The following SND1 variants were observed in gnomAD, a reference collection of about 807,000 sequenced individuals.
SND1 encodes the protein staphylococcal nuclease domain-containing protein 1.
Under a neutral mutation model 121.7 loss-of-function variants are expected in SND1, and 38 were observed. That is an observed-to-expected ratio of 0.31 (90% CI 0.24 to 0.41). SND1 has a LOEUF of 0.41. Among genes scored for constraint, SND1 ranks in the 10% least tolerant of loss-of-function variants. The pLI is 1.00. For synonymous variants in SND1, 401 were observed against 447.4 expected (o/e 0.90, Z 1.31); for missense variants, 868 against 1,184.6 (o/e 0.73, Z 3.92).
intron 1 of SND1, among the ~76,000 whole-genome samples, chr7:127,680,071 G>A (rs778897869): frequency 8.5e-5 from 13 of 152,174 alleles, no homozygotes; most frequent in Non-Finnish European, 1.3e-4. Flanking sequence ...CTGGGCATCC[G>A]GGGGAGACGT....
chr7:127,712,390 C>T (rs1230913143), intron 9 of SND1, among the ~76,000 whole-genome samples: 2 of 152,288 alleles, frequency 1.3e-5, no homozygotes, highest in Middle Eastern at 3.4e-3. Flanking sequence ...AACTCCTGGG[C>T]TCAAGTGATC....
chr7:127,669,522 A>G (rs938598260), intron 1 of SND1, among the ~76,000 whole-genome samples: 2 of 152,148 alleles, frequency 1.3e-5, no homozygotes, highest in African/African-American at 4.8e-5. Context: ...CACTACCTAT[A>G]TCCTCCAAAG....
At chr7:127,795,900 C>G (rs149437461) in intron 10 of SND1, among the ~76,000 whole-genome samples, 1 of 151,964 alleles carries the variant, frequency 6.6e-6, no homozygotes, top group African/African-American at 2.4e-5. Context: ...CTCTGTCACC[C>G]AGGCTGGAGT....
At chr7:127,992,999 A>C (rs956904181) in intron 16 of SND1, among the ~76,000 whole-genome samples, 1 of 152,202 alleles carries the variant, frequency 6.6e-6, no homozygotes. Flanking sequence ...TTTCTTGATT[A>C]TAGTGGCCCC....
intron 16 of SND1, among the ~76,000 whole-genome samples, chr7:128,039,387 C>T (rs1026737052): frequency 6.6e-6 from 1 of 152,136 alleles, no homozygotes; most frequent in Non-Finnish European, 1.5e-5. Flanking sequence ...TGATATCCCA[C>T]GTGGGTAAGA....
intron 15 of SND1, among the ~76,000 whole-genome samples, chr7:127,935,190 G>A (rs968479666): frequency 6.6e-6 from 1 of 152,180 alleles, no homozygotes; most frequent in African/African-American, 2.4e-5. Flanking sequence ...AACAGACTTA[G>A]TAAGTACAGA....
intron 12 of SND1, among the ~76,000 whole-genome samples, chr7:127,876,975 A>G (rs1799702639): frequency 6.6e-6 from 1 of 152,124 alleles, no homozygotes; most frequent in Non-Finnish European, 1.5e-5. Context: ...GAAGATGGAC[A>G]TTGTTTTATT....
intron 10 of SND1, among the ~76,000 whole-genome samples, chr7:127,775,461 A>G (rs1222220250): frequency 1.3e-5 from 2 of 152,028 alleles, no homozygotes; most frequent in African/African-American, 4.8e-5. Context: ...AAGGGTATTC[A>G]TTTGGATTTC....
intron 12 of SND1, among the ~76,000 whole-genome samples, chr7:127,875,964 C>T (rs1712326584): frequency 6.6e-6 from 1 of 152,024 alleles, no homozygotes; most frequent in African/African-American, 2.4e-5. Flanking sequence ...TCAGGTTTCT[C>T]ATTTGTAAAA....
At chr7:127,788,580 T>C (rs1198561664) in intron 10 of SND1, among the ~76,000 whole-genome samples, 1 of 152,204 alleles carries the variant, frequency 6.6e-6, no homozygotes, top group African/African-American at 2.4e-5. Context: ...ACATTAATCA[T>C]GTACATTTGA....
At chr7:127,915,000 A>G (rs1328262840) in intron 14 of SND1, among the ~76,000 whole-genome samples, 2 of 152,130 alleles carry the variant, frequency 1.3e-5, no homozygotes, top group African/African-American at 4.8e-5. Context: ...AACAGAGAGC[A>G]GTGGTTCACA....
rs114275260 is a variant in SND1 at position 127,714,860 on chromosome 7, A to G, written c.1039-6427A>G. 4.7e-3 allele frequency among the ~76,000 whole-genome samples: 723 copies of G among 152,288 alleles called. 6 individuals are homozygous for G. The highest frequency in any genetic ancestry group is 0.016 in the African/African-American group (669 of 41,540). ...TTAAGGGTAAATAATATTCCATTGT[A>G]TGTGTATACATTTTGCTTACAACCT... is the stretch of plus-strand genomic sequence containing the variant. On this transcript the variant is annotated intron_variant, in intron 9 of 23. Transcript: ENST00000354725.
chr7:128,016,804 C>G (rs1258898793), intron 16 of SND1, among the ~76,000 whole-genome samples: 1 of 152,138 alleles, frequency 6.6e-6, no homozygotes, highest in Non-Finnish European at 1.5e-5. Context: ...GTTACTTAAC[C>G]TCTTAACCAT....
chr7:128,078,598 C>T (rs931769431), intron 17 of SND1, among the ~76,000 whole-genome samples: 1 of 152,254 alleles, frequency 6.6e-6, no homozygotes, highest in African/African-American at 2.4e-5. Flanking sequence ...CGTGACCTCA[C>T]GCCTGCTGCC....
At chr7:127,886,426 C>T (rs7786786) in intron 12 of SND1, among the ~76,000 whole-genome samples, 32,471 of 151,848 alleles carry the variant, frequency 0.21, 4,210 homozygotes, top group African/African-American at 0.37. Context: ...TTTCTAAGAA[C>T]CACTGGTGTG....
intron 15 of SND1, 63 bp downstream of exon 15, chr7:127,929,392 T>C: frequency 1.3e-6 from 2 of 1,552,042 alleles, no homozygotes; most frequent in African/African-American, 1.4e-5. Context: ...CCACATACCC[T>C]CCTTTCCCCC....
At chr7:127,995,104 A>G (rs1396283924) in intron 16 of SND1, among the ~76,000 whole-genome samples, 1 of 152,238 alleles carries the variant, frequency 6.6e-6, no homozygotes, top group African/African-American at 2.4e-5. Context: ...GACAGAGGCT[A>G]TATGGCTTGC....
intron 11 of SND1, among the ~76,000 whole-genome samples, chr7:127,838,992 A>G (rs1189329115): frequency 6.6e-6 from 1 of 152,206 alleles, no homozygotes; most frequent in African/African-American, 2.4e-5. Flanking sequence ...CGCACAGTAA[A>G]TGTGTTAAAC....
At chr7:128,056,065 C>T (rs896784685) in intron 16 of SND1, among the ~76,000 whole-genome samples, 1 of 152,224 alleles carries the variant, frequency 6.6e-6, no homozygotes, top group Non-Finnish European at 1.5e-5. Flanking sequence ...CTTAAAACAA[C>T]CACTTCACAA....
Sources: gnomAD v4.1 joint callset for allele counts (sites outside exome capture counted in the v4.1 genomes callset) on GRCh38, gnomAD v4.1.1 for gene constraint, MANE v1.5 for transcripts, NCBI Gene and HGNC (gene_info 2026-07-23, HGNC 2026-07-21) for gene names.